SLC4A4: variants seen among roughly 807,000 people sequenced by gnomAD.
The protein encoded by SLC4A4 is electrogenic sodium bicarbonate cotransporter 1.
In SLC4A4, 27 loss-of-function variants were observed where a neutral mutation model predicts 111.5. That is an observed-to-expected ratio of 0.24 (90% CI 0.18 to 0.33). The LOEUF is 0.33. SLC4A4 is among the 10% of genes least tolerant of loss of function. SLC4A4 has a pLI of 1.00. For missense variants in SLC4A4, 909 were observed against 1,315.5 expected, an observed-to-expected ratio of 0.69 and a Z score of 4.78; for synonymous variants, 443 against 463.4, an observed-to-expected ratio of 0.96 and a Z score of 0.57.
chr4:71,512,843 T>A (rs773827687), intron 16 of SLC4A4, among the ~76,000 whole-genome samples: 1 of 152,238 alleles, frequency 6.6e-6, no homozygotes, highest in Non-Finnish European at 1.5e-5. Context: ...TGTATTCTTC[T>A]GGATGTGGGT....
intron 13 of SLC4A4, among the ~76,000 whole-genome samples, chr4:71,469,108 A>G (rs964094256): frequency 6.6e-5 from 10 of 151,984 alleles, no homozygotes; most frequent in Admixed American, 2.0e-4. Flanking sequence ...TTGTAGTTTT[A>G]TTTCCCAAAT....
intron 1 of SLC4A4, among the ~76,000 whole-genome samples, chr4:71,198,646 A>G (rs1234931567): frequency 6.6e-6 from 1 of 152,106 alleles, no homozygotes; most frequent in African/African-American, 2.4e-5. Context: ...AAATCCAAGA[A>G]TATCAGAACT....
intron 6 of SLC4A4, among the ~76,000 whole-genome samples, chr4:71,395,360 A>G (rs150168757): frequency 3.3e-5 from 5 of 152,320 alleles, no homozygotes; most frequent in African/African-American, 1.2e-4. Flanking sequence ...AGCTGTTAAT[A>G]TTAATTACTT....
chr4:71,387,394 C>T (rs776393220), intron 6 of SLC4A4, among the ~76,000 whole-genome samples: 1 of 151,970 alleles, frequency 6.6e-6, no homozygotes, highest in East Asian at 1.9e-4. Flanking sequence ...TTTTGTGAAT[C>T]TGTCATTTTT....
At chr4:71,371,483 A>G (rs537612766) in intron 6 of SLC4A4, among the ~76,000 whole-genome samples, 1 of 151,946 alleles carries the variant, frequency 6.6e-6, no homozygotes, top group Non-Finnish European at 1.5e-5. Context: ...ACCTCAGGTG[A>G]TCCACCCGCC....
chr4:71,552,843 C>CTACTAT (rs1377197019), intron 20 of SLC4A4, among the ~76,000 whole-genome samples: 9 of 142,608 alleles, frequency 6.3e-5, no homozygotes, highest in Non-Finnish European at 1.3e-4. Flanking sequence ...AAATATCTAC[C>CTACTAT]TACTATTACT....
At chr4:71,351,546 T>C (rs558383087) in intron 5 of SLC4A4, among the ~76,000 whole-genome samples, 20 of 152,272 alleles carry the variant, frequency 1.3e-4, no homozygotes, top group African/African-American at 4.8e-4. Context: ...GCATACAGAA[T>C]GAAAAATAAC....
At chr4:71,562,920 A>G (rs1737123695) in intron 23 of SLC4A4, among the ~76,000 whole-genome samples, 1 of 151,786 alleles carries the variant, frequency 6.6e-6, no homozygotes. Flanking sequence ...GATTTTATTA[A>G]CATTAATTCT....
chr4:71,138,854 G>A (rs532056421), intron 2 of SLC4A4, among the ~76,000 whole-genome samples: 1 of 152,058 alleles, frequency 6.6e-6, no homozygotes, highest in African/African-American at 2.4e-5. Context: ...GCCTAACACG[G>A]TGAAACCCTG....
intron 3 of SLC4A4, among the ~76,000 whole-genome samples, chr4:71,301,797 C>T (rs983722920): frequency 3.9e-5 from 6 of 152,160 alleles, no homozygotes; most frequent in Non-Finnish European, 8.8e-5. Flanking sequence ...AGGACAATAG[C>T]GAGCCATCCC....
intron 16 of SLC4A4, among the ~76,000 whole-genome samples, chr4:71,500,507 A>C (rs1730818848): frequency 6.6e-6 from 1 of 152,070 alleles, no homozygotes; most frequent in Admixed American, 6.6e-5. Flanking sequence ...TTTTTAGTAG[A>C]GACAGGATTT....
intron 16 of SLC4A4, among the ~76,000 whole-genome samples, chr4:71,520,833 T>C (rs1211039291): frequency 6.6e-6 from 1 of 152,070 alleles, no homozygotes; most frequent in Non-Finnish European, 1.5e-5. Flanking sequence ...CATTTCTCTG[T>C]ATTTCTTTTT....
intron 2 of SLC4A4, among the ~76,000 whole-genome samples, chr4:71,118,774 C>T (rs1248008588): frequency 6.6e-6 from 1 of 152,182 alleles, no homozygotes; most frequent in Non-Finnish European, 1.5e-5. Context: ...TATTCACACT[C>T]TGTAACTGCA....
intron 6 of SLC4A4, among the ~76,000 whole-genome samples, chr4:71,361,203 C>T (rs748574501): frequency 6.6e-6 from 1 of 152,168 alleles, no homozygotes; most frequent in Non-Finnish European, 1.5e-5. Context: ...CACGCACGCA[C>T]ACGTTCATGT....
At chr4:71,198,548 A>G (rs1462124570) in intron 1 of SLC4A4, among the ~76,000 whole-genome samples, 4 of 152,186 alleles carry the variant, frequency 2.6e-5, no homozygotes, top group Non-Finnish European at 5.9e-5. Flanking sequence ...ACAGAAAGTT[A>G]TTTGAATGCT....
At chr4:71,363,816 C>T (rs1731014144) in intron 6 of SLC4A4, among the ~76,000 whole-genome samples, 1 of 152,182 alleles carries the variant, frequency 6.6e-6, no homozygotes, top group Admixed American at 6.5e-5. Flanking sequence ...AACGATCAAG[C>T]TCTTTCCCAC....
chr4:71,548,969 T>G (rs1171157604), intron 20 of SLC4A4, among the ~76,000 whole-genome samples: 2 of 151,964 alleles, frequency 1.3e-5, no homozygotes, highest in Non-Finnish European at 2.9e-5. Context: ...ATTATTCATC[T>G]TTTTTCCTTG....
chr4:71,284,702 C>T (rs1422028354), intron 3 of SLC4A4, among the ~76,000 whole-genome samples: 1 of 152,190 alleles, frequency 6.6e-6, no homozygotes, highest in Non-Finnish European at 1.5e-5. Context: ...ATCTTTTTGG[C>T]TGTTTGCATT....
chr4:71,496,082 G>T (rs1290199135), intron 15 of SLC4A4, among the ~76,000 whole-genome samples: 3 of 152,126 alleles, frequency 2.0e-5, no homozygotes, highest in Admixed American at 1.3e-4. Flanking sequence ...GCAAGGGGAT[G>T]AGCAACCAGG....
Sources: allele counts gnomAD v4.1 joint callset (sites outside exome capture counted in the v4.1 genomes callset), GRCh38; gene constraint gnomAD v4.1.1; transcripts MANE v1.5; gene names NCBI Gene and HGNC (gene_info 2026-07-23, HGNC 2026-07-21).